The following GDF7 variants were observed in gnomAD, a reference collection of about 807,000 sequenced individuals.
GDF7 encodes the protein growth/differentiation factor 7.
Under a neutral mutation model 13.4 loss-of-function variants are expected in GDF7, and 12 were observed. The observed-to-expected ratio is 0.90, with a 90% CI of 0.57 to 1.45. GDF7 has a LOEUF of 1.45. GDF7 is among the 40% of genes most tolerant of loss of function. GDF7 has a pLI of 0.00. For missense variants in GDF7, 651 were observed against 652.4 expected, an observed-to-expected ratio of 1.00 and a Z score of 0.02; for synonymous variants, 330 against 306.4, an observed-to-expected ratio of 1.08 and a Z score of -0.80.
chr2:20,670,326 T>G, intron 1 of GDF7, 138 bp from the exon 2 acceptor site: 1 of 935,632 alleles, frequency 1.1e-6, no homozygotes, highest in Non-Finnish European at 1.5e-6. Flanking sequence ...AGACGCGGAG[T>G]CGGGCGCTGG....
rs1412659917 is a variant in GDF7, at chr2:20,667,591, G to A, written c.352G>A (p.Ala118Thr). The change falls in exon 1 of 2, where the codon GCG (alanine) becomes ACG (threonine). Residue 118 changes from alanine to threonine, a missense_variant. By Grantham distance (58) the Ala-to-Thr change is moderately conservative. Transcript: ENST00000272224. This position sits in a 1 kb window ranked among gnomAD's most constrained non-coding sequence, Gnocchi z 6.4. ...AAVSASGHGRADTITGFTDQA... is the reference protein window; with the variant it reads ...AAVSASGHGRTDTITGFTDQA... ...TGTCTCCGCCTCGGGCCATGGTCGC[G>A]CGGACACGATCACCGGCTTCACAGA... 6.6e-7 allele frequency: 1 copy of A among 1,512,268 alleles called. No homozygotes were observed. Among genetic ancestry groups the A allele is most frequent in the Non-Finnish European group, 8.8e-7 (1 of 1,137,140 alleles). The allele number at this position is 1,512,268 out of a possible 1,614,324, so 93.7% of individuals were successfully genotyped here.
rs1695991897 is a variant in GDF7, at chr2:20,667,687, C to T, written c.391+57C>T. The T allele has an allele frequency of 7.9e-7, 1 of 1,265,922 alleles. No homozygotes were observed. 78.4% of individuals were successfully genotyped at this position (1,265,922 alleles called of 1,614,324 possible). On this transcript the variant is annotated intron_variant, in intron 1 of 1. Coordinates refer to ENST00000272224, the MANE Select transcript of GDF7 (RefSeq NM_182828.4). This position sits in a 1 kb window ranked among gnomAD's most constrained non-coding sequence, Gnocchi z 6.4. ...CGTCAGGTCCTGGGCTGAGACCAGCCCCGGAGCCGTGCCGCAGCTCCGTTA... is the reference window on the plus strand; with the variant it reads ...CGTCAGGTCCTGGGCTGAGACCAGCTCCGGAGCCGTGCCGCAGCTCCGTTA...
intron 1 of GDF7, among the ~76,000 whole-genome samples, chr2:20,668,545 T>C (rs1327119259): frequency 6.6e-6 from 1 of 152,302 alleles, no homozygotes; most frequent in African/African-American, 2.4e-5. Context: ...CTTAATTCTA[T>C]CCAGCCAGAG....
At chr2:20,669,568 C>A (rs967541406) in intron 1 of GDF7, among the ~76,000 whole-genome samples, 3 of 152,236 alleles carry the variant, frequency 2.0e-5, no homozygotes, top group East Asian at 1.9e-4. Flanking sequence ...AGCGAGACCT[C>A]GTTTGGGACG....
Position 20,667,596 on chromosome 2 carries a change from C to A in GDF7, c.357C>A (p.Asp119Glu). ...AVSASGHGRA[D>E]TITGFTDQAT... Reference sequence around the variant, plus strand: ...CCGCCTCGGGCCATGGTCGCGCGGACACGATCACCGGCTTCACAGACCAGG... The same window carrying A: ...CCGCCTCGGGCCATGGTCGCGCGGAAACGATCACCGGCTTCACAGACCAGG... Residue 119 changes from aspartate (D) to glutamate (E), a missense_variant, in exon 1 of 2, where the codon GAC becomes GAA. By Grantham distance (45) the Asp-to-Glu change is conservative. This residue lies in a region of GDF7 where 487 missense variants were observed against 445.9 expected (regional missense o/e 1.09). Coordinates refer to ENST00000272224, the MANE Select transcript of GDF7 (RefSeq NM_182828.4). The surrounding 1 kb of genome is among the most constrained non-coding windows in gnomAD (Gnocchi z 6.4). 6.6e-7 allele frequency: 1 copy of A among 1,512,228 alleles called. No homozygotes were observed. Among genetic ancestry groups the A allele is most frequent in the Non-Finnish European group, 8.8e-7 (1 of 1,137,048 alleles). 93.7% of individuals were successfully genotyped at this position (1,512,228 alleles called of 1,614,324 possible).
At chr2:20,669,411 G>A (rs1662057259) in intron 1 of GDF7, among the ~76,000 whole-genome samples, 1 of 116,926 alleles carries the variant, frequency 8.6e-6, no homozygotes, top group Non-Finnish European at 1.7e-5. Context: ...CTGCTGCGTG[G>A]TGGAATTTTA....
intron 1 of GDF7, among the ~76,000 whole-genome samples, chr2:20,668,832 T>C (rs1333600065): frequency 6.6e-6 from 1 of 152,240 alleles, no homozygotes; most frequent in East Asian, 1.9e-4. Context: ...AAGCCTTCTC[T>C]GACGGCCTGA....
intron 1 of GDF7, among the ~76,000 whole-genome samples, chr2:20,669,815 G>T (rs532984472): frequency 6.6e-6 from 1 of 152,248 alleles, no homozygotes; most frequent in Non-Finnish European, 1.5e-5. Context: ...TGGACTAGAA[G>T]GTCTCTGCGG....
rs1385560205 is a variant in GDF7 at position 20,675,706 on chromosome 2, T to A, written c.*4281T>A. ...AAGGCAGAGCAAATGTGATGGCTCCTGGAGAAGGTCCTCTCCCAATCCCAG... is the reference window on the plus strand; with the variant it reads ...AAGGCAGAGCAAATGTGATGGCTCCAGGAGAAGGTCCTCTCCCAATCCCAG... On this transcript the variant is annotated 3_prime_UTR_variant, in exon 2 of 2. Transcript: ENST00000272224. The A allele has an allele frequency of 6.6e-6, 1 of 152,340 alleles. No individual in the cohort carries two copies. The highest frequency in any genetic ancestry group is 1.5e-5 in the Non-Finnish European group (1 of 68,130). The allele number at this position is 152,340 out of a possible 1,614,324, so 9.4% of individuals were successfully genotyped here.
In GDF7 at chr2:20,677,000, G is replaced by T. The variant is rs11678116; in HGVS notation, c.*5575G>T. ...ATGTGTCTGTGACAACAGAAAGGGTGGGTTTCTCTCACACGTTTCCCTGAC... is the reference window on the plus strand; with the variant it reads ...ATGTGTCTGTGACAACAGAAAGGGTTGGTTTCTCTCACACGTTTCCCTGAC... On this transcript the variant is annotated 3_prime_UTR_variant, in exon 2 of 2. Transcript: ENST00000272224. 69,348 of 152,230 alleles carry T rather than the reference G, an allele frequency of 0.46. 17,288 individuals are homozygous for T. Among genetic ancestry groups the T allele is most frequent in the South Asian group, 0.64 (3,086 of 4,822 alleles). The allele number at this position is 152,230 out of a possible 1,614,324, so 9.4% of individuals were successfully genotyped here.
In GDF7 at chr2:20,674,803, C is replaced by A. The variant is rs911254556; in HGVS notation, c.*3378C>A. 3 of 152,238 alleles carry A rather than the reference C, an allele frequency of 2.0e-5. No homozygotes were observed. Among genetic ancestry groups the A allele is most frequent in the Non-Finnish European group, 4.4e-5 (3 of 68,060 alleles). The allele number at this position is 152,238 out of a possible 1,614,324, so 9.4% of individuals were successfully genotyped here. A position where few individuals can be genotyped will look rare whatever the true frequency, so the allele number is the denominator to read the frequency against. ...GACTCCACGAAGCCAAGGACAGTCACTTCTCCCTGGCAGCTCTCATGGTGT... is the reference window on the plus strand; with the variant it reads ...GACTCCACGAAGCCAAGGACAGTCAATTCTCCCTGGCAGCTCTCATGGTGT... On this transcript the variant is annotated 3_prime_UTR_variant, in exon 2 of 2. Transcript: ENST00000272224.
At chr2:20,670,399 G>T in intron 1 of GDF7, 65 bp from the exon 2 acceptor site, 1 of 1,431,482 alleles carries the variant, frequency 7.0e-7, no homozygotes, top group Non-Finnish European at 9.2e-7. Flanking sequence ...GAGGCCCCGC[G>T]CTGACAGTGT....
At chr2:20,670,320 G>C (rs1363697759) in intron 1 of GDF7, 144 bp from the exon 2 acceptor site, 1 of 882,052 alleles carries the variant, frequency 1.1e-6, no homozygotes. Flanking sequence ...GGGCAGAGAC[G>C]CGGAGTCGGG....
chr2:20,667,219 C>T lies in GDF7; in HGVS notation c.-21C>T. ...GGAGCCACGGAGCCCGCGCCGCCCG[C>T]CCGCCCGGCCCACGGAGCCCATGGA... On this transcript the variant is annotated 5_prime_UTR_variant, in exon 1 of 2. Coordinates refer to ENST00000272224, the MANE Select transcript of GDF7 (RefSeq NM_182828.4). The surrounding 1 kb of genome is among the most constrained non-coding windows in gnomAD (Gnocchi z 6.4). 1.7e-6 allele frequency: 2 copies of T among 1,174,724 alleles called. No homozygotes were observed. Among genetic ancestry groups the T allele is most frequent in the Non-Finnish European group, 1.0e-6 (1 of 952,388 alleles). The allele number at this position is 1,174,724 out of a possible 1,614,324, so 72.8% of individuals were successfully genotyped here. A position where few individuals can be genotyped will look rare whatever the true frequency, so the allele number is the denominator to read the frequency against.
In GDF7 at chr2:20,671,731, G is replaced by C. The variant is rs530646229; in HGVS notation, c.*306G>C. Reference sequence around the variant, plus strand: ...TTAGGGAGAGGAAGGTGTTTGTGCTGATGTTGCAGTTAGAGGCACGAAAAT... The same window carrying C: ...TTAGGGAGAGGAAGGTGTTTGTGCTCATGTTGCAGTTAGAGGCACGAAAAT... On this transcript the variant is annotated 3_prime_UTR_variant, in exon 2 of 2. Transcript: ENST00000272224. 1 of 332,264 alleles carries C rather than the reference G, an allele frequency of 3.0e-6. No individual in the cohort carries two copies. Among genetic ancestry groups the C allele is most frequent in the Non-Finnish European group, 5.6e-6 (1 of 179,614 alleles). 20.6% of individuals were successfully genotyped at this position (332,264 alleles called of 1,614,324 possible).
At position 20,667,452 on chromosome 2, in the gene GDF7, C is replaced by T. The variant is rs1350474738; in HGVS notation, c.213C>T (p.Arg71=). 58 of 1,140,714 alleles carry T rather than the reference C, an allele frequency of 5.1e-5. No individual in the cohort carries two copies. Among genetic ancestry groups the T allele is most frequent in the Non-Finnish European group, 6.1e-5 (56 of 922,924 alleles). The allele number at this position is 1,140,714 out of a possible 1,614,324, so 70.7% of individuals were successfully genotyped here. A position where few individuals can be genotyped will look rare whatever the true frequency, so the allele number is the denominator to read the frequency against. Residue 71 remains arginine (R), a synonymous_variant, in exon 1 of 2, where the codon CGC becomes CGT. Transcript: ENST00000272224. This position sits in a 1 kb window ranked among gnomAD's most constrained non-coding sequence, Gnocchi z 6.4. Reference sequence around the variant, plus strand: ...CGGCCGCCGCGGTTCCCCGGGCCCGCGCCGCGCGCCGCGCCGCGGGCTCCG... The same window carrying T: ...CGGCCGCCGCGGTTCCCCGGGCCCGTGCCGCGCGCCGCGCCGCGGGCTCCG... ...AVPAAAVPRA[R]AARRAAGSGF...
chr2:20,667,289 G>A lies in GDF7; in HGVS notation c.50G>A (p.Cys17Tyr). The A allele has an allele frequency of 8.3e-7, 1 of 1,211,152 alleles. No individual in the cohort carries two copies. 75.0% of individuals were successfully genotyped at this position (1,211,152 alleles called of 1,614,324 possible). A position where few individuals can be genotyped will look rare whatever the true frequency, so the allele number is the denominator to read the frequency against. ...CTGTGCCTTTGGCTGCTGAGCGCCT[G>A]CCGCCCCCGCGACGGGCTGGAAGCG... is the stretch of plus-strand genomic sequence containing the variant. ...AALCLWLLSA[C>Y]RPRDGLEAAA... The change falls in exon 1 of 2, where the codon TGC (cysteine) becomes TAC (tyrosine). Residue 17 changes from cysteine to tyrosine, a missense_variant. Around this residue, in one of 4 missense-constraint regions of GDF7, gnomAD observed 61 missense variants for 50.5 expected, o/e 1.21. Coordinates refer to ENST00000272224, the MANE Select transcript of GDF7 (RefSeq NM_182828.4). The surrounding 1 kb of genome is among the most constrained non-coding windows in gnomAD (Gnocchi z 6.4).
At position 20,670,541 on chromosome 2, in the gene GDF7, G is replaced by A. The variant is rs1363197856; in HGVS notation, c.469G>A (p.Ala157Thr). The A allele has an allele frequency of 1.2e-6, 2 of 1,604,946 alleles. No homozygotes were observed. The highest frequency in any genetic ancestry group is 1.7e-6 in the Non-Finnish European group (2 of 1,176,968). ...TAACGACGCAGACGAGGTGGTGGGT[G>A]CCGAGCTGCGCGTGCTGCGCCGGGG... ...SLNDADEVVGAELRVLRRGSP... is the reference protein window; with the variant it reads ...SLNDADEVVGTELRVLRRGSP... Residue 157 changes from alanine (A) to threonine (T), a missense_variant, in exon 2 of 2, where the codon GCC becomes ACC. By Grantham distance (58) the Ala-to-Thr change is moderately conservative (BLOSUM62 0). Coordinates refer to ENST00000272224, the MANE Select transcript of GDF7 (RefSeq NM_182828.4).
Position 20,667,839 on chromosome 2 carries a change from C to T in GDF7, c.391+209C>T, listed in dbSNP as rs1000163727. 5.3e-5 allele frequency among the ~76,000 whole-genome samples: 8 copies of T among 152,198 alleles called. No individual in the cohort carries two copies. Among genetic ancestry groups the T allele is most frequent in the African/African-American group, 1.9e-4 (8 of 41,462 alleles). On this transcript the variant is annotated intron_variant, in intron 1 of 1. Transcript: ENST00000272224. The surrounding 1 kb of genome is among the most constrained non-coding windows in gnomAD (Gnocchi z 6.4). ...GTCGCGGCAGCTCCCGGGGCCCAGT[C>T]CCAGAGGGCTGACTGGTCCCTCTCC...
Sources: allele counts gnomAD v4.1 joint callset (sites outside exome capture counted in the v4.1 genomes callset), GRCh38; gene constraint gnomAD v4.1.1; regional missense constraint gnomAD v4.1.1; non-coding constraint Gnocchi (gnomAD v3.1); transcripts MANE v1.5; gene names NCBI Gene and HGNC (gene_info 2026-07-23, HGNC 2026-07-21).